ZZEF1: variants seen among roughly 807,000 people sequenced by gnomAD.
ZZEF1 encodes zinc finger ZZ-type and EF-hand domain-containing protein 1.
Under a neutral mutation model 342.8 loss-of-function variants are expected in ZZEF1, and 157 were observed. The observed-to-expected ratio is 0.46, with a 90% confidence interval of 0.40 to 0.52. The LOEUF (loss-of-function observed/expected upper bound fraction) is 0.52, where lower values mean the gene tolerates loss of function less well. ZZEF1 is among the 20% of genes least tolerant of loss of function. ZZEF1 has a pLI of 0.00. For missense variants in ZZEF1, 3,480 were observed against 3,725.6 expected, an observed-to-expected ratio of 0.93 and a Z score of 1.72; for synonymous variants, 1,505 against 1,429.1, an observed-to-expected ratio of 1.05 and a Z score of -1.20.
intron 46 of ZZEF1, among the ~76,000 whole-genome samples, chr17:4,019,268 G>C (rs887603170): frequency 6.6e-6 from 1 of 152,102 alleles, no homozygotes; most frequent in African/African-American, 2.4e-5. Flanking sequence ...AAAAAGTTGG[G>C]CCCAAAAACT....
rs546758138 is a variant in ZZEF1 at position 4,006,691 on chromosome 17, C to A, written c.*199G>T. The A allele has an allele frequency of 9.4e-5, 60 of 641,392 alleles. No homozygotes were observed. Among genetic ancestry groups the A allele is most frequent in the Non-Finnish European group, 1.6e-4 (58 of 358,114 alleles). 39.7% of individuals were successfully genotyped at this position (641,392 alleles called of 1,614,324 possible). A position where few individuals can be genotyped will look rare whatever the true frequency, so the allele number is the denominator to read the frequency against. On this transcript the variant is annotated 3_prime_UTR_variant, in exon 55 of 55. Transcript: ENST00000381638. ...CATTCTGCACTGCTTGGCTTATTTT[C>A]ACCATGCTACAGCCTGTGCTTGTGT...
intron 2 of ZZEF1, among the ~76,000 whole-genome samples, chr17:4,119,429 T>G (rs1276687332): frequency 6.6e-6 from 1 of 152,192 alleles, no homozygotes; most frequent in African/African-American, 2.4e-5. Context: ...TCTGATGGCT[T>G]CCATTTGGCC....
intron 6 of ZZEF1, among the ~76,000 whole-genome samples, chr17:4,108,587 G>A (rs1345604775): frequency 2.6e-5 from 4 of 152,174 alleles, no homozygotes; most frequent in Non-Finnish European, 5.9e-5. Context: ...TGGCAACATA[G>A]CAATGTACAC....
At chr17:4,105,876 GT>G in intron 6 of ZZEF1, 67 bp from the exon 7 acceptor site, 1 of 1,313,112 alleles carries the variant, frequency 7.6e-7, no homozygotes, top group Non-Finnish European at 1.1e-6. Flanking sequence ...AAAATAAACT[GT>G]TAGAAGCTTG....
At chr17:4,033,167 C>A in intron 40 of ZZEF1, 165 bp from the exon 41 acceptor site, 1 of 635,132 alleles carries the variant, frequency 1.6e-6, no homozygotes, top group Non-Finnish European at 2.6e-6. Flanking sequence ...AGTAAAAGAG[C>A]AAACAAAATC....
At chr17:4,123,819 G>C in intron 2 of ZZEF1, 88 bp downstream of exon 2, 1 of 1,474,698 alleles carries the variant, frequency 6.8e-7, no homozygotes, top group Non-Finnish European at 9.2e-7. Context: ...GGAGTTTACT[G>C]CATGTGGCCA....
intron 1 of ZZEF1, among the ~76,000 whole-genome samples, chr17:4,141,706 A>G (rs899224796): frequency 3.4e-5 from 3 of 88,638 alleles, no homozygotes; most frequent in Non-Finnish European, 4.9e-5. Context: ...ATTTAAAATA[A>G]AAGTTGAAAG....
intron 49 of ZZEF1, among the ~76,000 whole-genome samples, chr17:4,015,052 C>T (rs766594325): frequency 4.6e-5 from 7 of 152,134 alleles, no homozygotes; most frequent in Non-Finnish European, 1.0e-4. Flanking sequence ...ACAGGGAAAA[C>T]CCTGGAAAGC....
intron 5 of ZZEF1, among the ~76,000 whole-genome samples, chr17:4,111,794 T>C (rs1459368923): frequency 6.9e-6 from 1 of 145,882 alleles, no homozygotes; most frequent in Admixed American, 6.9e-5. Context: ...TCCCAACGTT[T>C]TGGGAGGCCA....
rs545264670 is a variant in ZZEF1, at chr17:4,014,668, G to C, written c.8146-153C>G. Among the ~76,000 whole-genome samples the C allele has an allele frequency of 6.6e-6, 1 of 152,246 alleles. No individual in the cohort carries two copies. Among genetic ancestry groups the C allele is most frequent in the Non-Finnish European group, 1.5e-5 (1 of 68,048 alleles). On this transcript the variant is annotated intron_variant, in intron 49 of 54. Transcript: ENST00000381638. This position sits in a 1 kb window ranked among gnomAD's most constrained non-coding sequence, Gnocchi z 4.4. ...CAGGAGTGCAGAGTCCAGCTAGGGC[G>C]AGGAGCATGCACAGACTGCAAATAT...
At chr17:4,066,059 C>T (rs1019784730) in intron 28 of ZZEF1, among the ~76,000 whole-genome samples, 6 of 151,996 alleles carry the variant, frequency 3.9e-5, no homozygotes, top group African/African-American at 1.2e-4. Context: ...CCCAGCTACC[C>T]GGTAGGCTAA....
chr17:4,069,065 CGAGTTCCCACAGTTGTA>C (rs1312107421), intron 26 of ZZEF1, among the ~76,000 whole-genome samples: 4 of 152,186 alleles, frequency 2.6e-5, no homozygotes, highest in African/African-American at 9.7e-5. Flanking sequence ...CAAGACATTC[CGAGTTCCCACAGTTGTA>C]GAGTTCCCAC....
intron 37 of ZZEF1, among the ~76,000 whole-genome samples, chr17:4,044,945 G>C (rs1319635976): frequency 1.3e-5 from 2 of 152,058 alleles, no homozygotes; most frequent in African/African-American, 2.4e-5. Flanking sequence ...CTTGAGGTCA[G>C]GAGTTCAACA....
At chr17:4,123,304 TA>T (rs2058519084) in intron 2 of ZZEF1, among the ~76,000 whole-genome samples, 2 of 127,562 alleles carry the variant, frequency 1.6e-5, no homozygotes, top group Admixed American at 7.9e-5. Context: ...TATATATATA[TA>T]TATATCAGAA....
In ZZEF1 at chr17:4,074,223, C is replaced by T; in HGVS notation, c.3612G>A (p.Leu1204=). 1 of 1,614,122 alleles carries T rather than the reference C, an allele frequency of 6.2e-7. No homozygotes were observed. The highest frequency in any genetic ancestry group is 8.5e-7 in the Non-Finnish European group (1 of 1,180,028). The part of the protein sequence containing the change: ...GLPDVAVSWG[L]DLQLLVSRLM... The stretch of plus-strand genomic sequence containing the variant: ...GCCGGGAGACGAGGAGCTGTAAATC[C>T]AGCCCCCAAGACACGGCAACATCGG... Residue 1204 remains leucine (L), a synonymous_variant, in exon 24 of 55, where the codon CTG becomes CTA. Transcript: ENST00000381638.
At position 4,062,800 on chromosome 17, in the gene ZZEF1, G is replaced by T; in HGVS notation, c.4836C>A (p.Phe1612Leu). ...LGQPHCFHPP[F>L]ILFLLELLTC... ...TCAGAAGTTCCAACAGGAAAAGTAT[G>T]AAAGGTGGATGGAAGCAGTGGGGCT... The change falls in exon 30 of 55, where the codon TTC (phenylalanine) becomes TTA (leucine). Residue 1612 changes from phenylalanine (F) to leucine (L), a missense_variant. Coordinates refer to ENST00000381638, the MANE Select transcript of ZZEF1 (RefSeq NM_015113.4). 6.2e-7 allele frequency: 1 copy of T among 1,612,720 alleles called. No individual in the cohort carries two copies. Among genetic ancestry groups the T allele is most frequent in the Non-Finnish European group, 8.5e-7 (1 of 1,179,338 alleles).
intron 1 of ZZEF1, among the ~76,000 whole-genome samples, chr17:4,142,128 C>T (rs1358962679): frequency 2.6e-5 from 4 of 152,172 alleles, no homozygotes; most frequent in Non-Finnish European, 2.9e-5. Flanking sequence ...CACACTTATT[C>T]GGCGCCCACA....
At chr17:4,109,561 AATG>A in intron 6 of ZZEF1, 89 bp downstream of exon 6, 1 of 1,391,530 alleles carries the variant, frequency 7.2e-7, no homozygotes, top group Non-Finnish European at 1.0e-6. Flanking sequence ...CACAACGATC[AATG>A]ATGGAAGGCT....
chr17:4,084,021 T>C (rs1176424027), intron 16 of ZZEF1, among the ~76,000 whole-genome samples: 1 of 152,134 alleles, frequency 6.6e-6, no homozygotes, highest in Admixed American at 6.5e-5. Context: ...ATTCTATTAT[T>C]TTTAACACTT....
Sources: allele counts gnomAD v4.1 joint callset (sites outside exome capture counted in the v4.1 genomes callset), GRCh38; gene constraint gnomAD v4.1.1; non-coding constraint Gnocchi (gnomAD v3.1); transcripts MANE v1.5; gene names NCBI Gene and HGNC (gene_info 2026-07-23, HGNC 2026-07-21).